The following GPC3 variants were observed in gnomAD, a reference collection of about 807,000 sequenced individuals.
GPC3 encodes glypican 3.
In GPC3, 3 loss-of-function variants were observed where a neutral mutation model predicts 34.4. That is an observed-to-expected ratio of 0.09 (90% CI 0.04 to 0.23). The LOEUF is 0.23. Ranked by LOEUF, GPC3 falls within the 10% of genes least tolerant of loss-of-function variation. The pLI is 1.00. For missense variants in GPC3, 351 were observed against 445.6 expected (o/e 0.79, Z 1.91); for synonymous variants, 177 against 174.0 (o/e 1.02, Z -0.13).
intron 5 of GPC3, chrX:133,671,531 T>C: frequency 2.7e-6 from 1 of 375,723 alleles, no homozygotes; most frequent in Non-Finnish European, 4.6e-6. Context: ...ACGAGGGTGC[T>C]AGAAACAGAT....
chrX:133,577,267 C>T (rs1403232633), intron 7 of GPC3, among the ~76,000 whole-genome samples: 9 of 112,173 alleles, frequency 8.0e-5, no homozygotes, highest in Non-Finnish European at 1.7e-4. Flanking sequence ...ATAGCCTGTT[C>T]CTTAAAGTAA....
At chrX:133,774,890 A>G (rs932646261) in intron 2 of GPC3, among the ~76,000 whole-genome samples, 3 of 111,265 alleles carry the variant, frequency 2.7e-5, no homozygotes, top group African/African-American at 9.8e-5. Context: ...AGAGCCCAAG[A>G]AGGCAGTTTC....
intron 2 of GPC3, among the ~76,000 whole-genome samples, chrX:133,804,500 C>A (rs989445467): frequency 9.0e-6 from 1 of 110,567 alleles, no homozygotes; most frequent in Non-Finnish European, 1.9e-5. Flanking sequence ...GAGCTCCAGA[C>A]AAGCCCATAG....
chrX:133,616,811 C>A (rs1160163763), intron 6 of GPC3, among the ~76,000 whole-genome samples: 5 of 107,851 alleles, frequency 4.6e-5, no homozygotes, highest in Non-Finnish European at 9.6e-5. Flanking sequence ...CATTCTCCTG[C>A]CTCAGCCTCC....
chrX:133,604,150 C>T (rs182534581), intron 6 of GPC3, among the ~76,000 whole-genome samples: 18 of 111,352 alleles, frequency 1.6e-4, no homozygotes, highest in Admixed American at 7.7e-4. Flanking sequence ...GACATTGAAG[C>T]TCAGTAACCT....
At chrX:133,951,623 G>A (rs2076393505) in intron 2 of GPC3, among the ~76,000 whole-genome samples, 1 of 111,860 alleles carries the variant, frequency 8.9e-6, no homozygotes, top group Non-Finnish European at 1.9e-5. Context: ...AGAAGTTCAT[G>A]AATGCTACAT....
chrX:133,719,487 G>A (rs780409554), intron 3 of GPC3, among the ~76,000 whole-genome samples: 1 of 111,376 alleles, frequency 9.0e-6, no homozygotes, highest in African/African-American at 3.3e-5. Flanking sequence ...CTGCATAAAT[G>A]TCTTCTTTTG....
At chrX:133,976,929 A>G (rs1256846519) in intron 1 of GPC3, among the ~76,000 whole-genome samples, 1 of 98,710 alleles carries the variant, frequency 1.0e-5, no homozygotes, top group African/African-American at 4.1e-5. Flanking sequence ...AAAAATGATA[A>G]TAAATAAATA....
At chrX:133,878,870 C>T (rs1036544267) in intron 2 of GPC3, among the ~76,000 whole-genome samples, 11 of 111,766 alleles carry the variant, frequency 9.8e-5, no homozygotes, top group Non-Finnish European at 1.5e-4. Context: ...TAAATGAGGA[C>T]GCAGCACATG....
At chrX:133,685,643 C>T (rs1192174508) in intron 5 of GPC3, among the ~76,000 whole-genome samples, 1 of 110,387 alleles carries the variant, frequency 9.1e-6, no homozygotes, top group Admixed American at 9.7e-5. Context: ...GGCAGATTCA[C>T]CACAATTTTC....
intron 3 of GPC3, among the ~76,000 whole-genome samples, chrX:133,719,784 C>G (rs773639183): frequency 8.9e-6 from 1 of 112,300 alleles, no homozygotes; most frequent in Admixed American, 9.4e-5. Flanking sequence ...AGACAACCCA[C>G]AGAGTGGGAG....
chrX:133,704,133 C>A, intron 3 of GPC3: 1 of 603,523 alleles, frequency 1.7e-6, no homozygotes, highest in Non-Finnish European at 2.4e-6. Flanking sequence ...GGAAACCTGG[C>A]CTACCACCCC....
At position 133,753,538 on chromosome X, in the gene GPC3, T is replaced by C; in HGVS notation, c.976A>G (p.Thr326Ala). The C allele has an allele frequency of 1.7e-6, 2 of 1,211,007 alleles. No individual in the cohort carries two copies. The highest frequency in any genetic ancestry group is 1.1e-6 in the Non-Finnish European group (1 of 894,690). Residue 326 changes from threonine (T) to alanine (A), a missense_variant, in exon 3 of 8, where the codon ACA becomes GCA. By Grantham distance (58) the Thr-to-Ala change is moderately conservative. Transcript: ENST00000370818. The stretch of plus-strand genomic sequence containing the variant: ...ACATACTGGATAGAATCATGGATTG[T>C]TGAAAAGAGACCAAGCAGTACGTTC... ...MENVLLGLFSTIHDSIQYVQK... is the reference protein window; with the variant it reads ...MENVLLGLFSAIHDSIQYVQK...
Position 133,804,353 on chromosome X carries a change from T to G in GPC3, c.338-50177A>C, listed in dbSNP as rs779405047. Among the ~76,000 whole-genome samples the G allele has an allele frequency of 1.9e-4, 21 of 110,551 alleles. No individual in the cohort carries two copies. In the East Asian group the frequency reaches 4.3e-3, roughly 23 times the overall value. On this transcript the variant is annotated intron_variant, in intron 2 of 7. Transcript: ENST00000370818. ...ATTCCAGATGTGCTGAATCAGAATC[T>G]CCAAAGGCAGGACCCAAGGAATCTG...
chrX:133,885,527 A>G (rs1216359356), intron 2 of GPC3, among the ~76,000 whole-genome samples: 1 of 111,774 alleles, frequency 8.9e-6, no homozygotes, highest in East Asian at 2.8e-4. Flanking sequence ...CTAGTTTTCA[A>G]GCCCCCAACA....
intron 6 of GPC3, among the ~76,000 whole-genome samples, chrX:133,601,377 C>T (rs1009364135): frequency 3.6e-5 from 4 of 111,556 alleles, no homozygotes; most frequent in Admixed American, 9.6e-5. Flanking sequence ...TGAGTTCGAA[C>T]GCTACTTTTT....
chrX:133,908,696 C>G (rs2076181826), intron 2 of GPC3, among the ~76,000 whole-genome samples: 1 of 110,664 alleles, frequency 9.0e-6, no homozygotes, highest in Non-Finnish European at 1.9e-5. Context: ...CTGAGCAGCA[C>G]ACATGCTTCT....
At chrX:133,932,375 C>G (rs1227853024) in intron 2 of GPC3, among the ~76,000 whole-genome samples, 1 of 111,989 alleles carries the variant, frequency 8.9e-6, no homozygotes, top group Non-Finnish European at 1.9e-5. Context: ...ACTAGTCCCT[C>G]TTAAAAGCAA....
chrX:133,563,962 A>G (rs1011497844), intron 7 of GPC3, among the ~76,000 whole-genome samples: 2 of 109,870 alleles, frequency 1.8e-5, no homozygotes, highest in Non-Finnish European at 3.8e-5. Flanking sequence ...GCCAACTCCA[A>G]ATTATGAAAT....
Sources: gnomAD v4.1 joint callset for allele counts (sites outside exome capture counted in the v4.1 genomes callset) on GRCh38, gnomAD v4.1.1 for gene constraint, MANE v1.5 for transcripts, NCBI Gene and HGNC (gene_info 2026-07-23, HGNC 2026-07-21) for gene names.